The following NLRP4 variants were observed in gnomAD, a reference collection of about 807,000 sequenced individuals.
NLRP4 encodes the protein NACHT, LRR and PYD domains-containing protein 4.
A neutral mutation model predicts 84.7 loss-of-function variants in NLRP4; 44 were observed. The ratio of observed to expected loss-of-function variants is 0.52; its 90% CI spans 0.41 to 0.67. The LOEUF (loss-of-function observed/expected upper bound fraction) is 0.67, where lower values mean the gene tolerates loss of function less well. Among genes scored for constraint, NLRP4 ranks in the 30% least tolerant of loss-of-function variants. The probability of loss-of-function intolerance (pLI) is 0.00; values close to 1 mark genes in which losing one functional copy is unlikely to be tolerated. For synonymous variants in NLRP4, 544 were observed against 476.4 expected (o/e 1.14, Z -1.85); for missense variants, 1,260 against 1,219.4 (o/e 1.03, Z -0.50).
At chr19:55,880,212 T>C (rs1007898403) in intron 9 of NLRP4, among the ~76,000 whole-genome samples, 2 of 152,344 alleles carry the variant, frequency 1.3e-5, no homozygotes, top group Middle Eastern at 3.4e-3. Context: ...GTTTGTTTTC[T>C]TGAAGTCCAT....
At chr19:55,840,487 A>C (rs1451458401) in intron 1 of NLRP4, among the ~76,000 whole-genome samples, 1 of 151,916 alleles carries the variant, frequency 6.6e-6, no homozygotes, top group East Asian at 1.9e-4. Context: ...GGGTTCAAGC[A>C]ATTCTCCTGC....
At position 55,852,059 on chromosome 19, in the gene NLRP4, T is replaced by C; in HGVS notation, c.-22T>C. On this transcript the variant is annotated 5_prime_UTR_variant, in exon 2 of 10. Transcript: ENST00000301295. ...TCCTGGTCACTGTCTCTTTGAGGAT[T>C]GGTATCTCTGCTCCAGAAAAGATGG... 2 of 1,570,216 alleles carry C rather than the reference T, an allele frequency of 1.3e-6. No homozygotes were observed. Among genetic ancestry groups the C allele is most frequent in the Non-Finnish European group, 1.7e-6 (2 of 1,161,032 alleles).
chr19:55,855,924 C>T (rs557709572), intron 2 of NLRP4, among the ~76,000 whole-genome samples: 2 of 152,322 alleles, frequency 1.3e-5, no homozygotes, highest in South Asian at 4.1e-4. Context: ...TTTAGAAATA[C>T]ACCACGACAG....
At position 55,858,327 on chromosome 19, in the gene NLRP4, T is replaced by C; in HGVS notation, c.934T>C (p.Cys312Arg). The C allele has an allele frequency of 6.2e-7, 1 of 1,614,208 alleles. No individual in the cohort carries two copies. Among genetic ancestry groups the C allele is most frequent in the Non-Finnish European group, 8.5e-7 (1 of 1,180,032 alleles). ...CGAGAGTGATAGGTTAGTGTATTTC[T>C]GCTGTTTCTTCAAAGACCCGAAAAG... Reference protein sequence around the residue: ...FNESDRLVYFCCFFKDPKRAM... With the variant: ...FNESDRLVYFRCFFKDPKRAM... The change falls in exon 3 of 10, where the codon TGC becomes CGC. Residue 312 changes from cysteine (C) to arginine (R), a missense_variant. Physicochemically the swap from Cys to Arg is radical, Grantham distance 180. This residue lies in a region of NLRP4 where 712 missense variants were observed against 669.2 expected (regional missense o/e 1.06). Transcript: ENST00000301295. The surrounding 1 kb of genome is among the most constrained non-coding windows in gnomAD (Gnocchi z 4.2).
intron 3 of NLRP4, among the ~76,000 whole-genome samples, chr19:55,859,690 G>A (rs975357068): frequency 3.9e-5 from 6 of 151,962 alleles, no homozygotes; most frequent in African/African-American, 1.5e-4. Flanking sequence ...CACTGTGGGA[G>A]GCTGAGGCAG....
At position 55,857,864 on chromosome 19, in the gene NLRP4, A is replaced by G. The variant is rs1275062062; in HGVS notation, c.471A>G (p.Gln157=). The G allele has an allele frequency of 3.7e-6, 6 of 1,613,938 alleles. No homozygotes were observed. In the East Asian group the frequency reaches 6.7e-5, roughly 18 times the overall value. The change falls in exon 3 of 10, where the codon CAA becomes CAG. Residue 157 remains glutamine (Q), a synonymous_variant. Transcript: ENST00000301295. The stretch of plus-strand genomic sequence containing the variant: ...GTACAGTGATCATTCAAGGACCACA[A>G]GGAATTGGAAAAACGACACTCCTGA... ...QPRTVIIQGP[Q]GIGKTTLLMK...
At position 55,871,046 on chromosome 19, in the gene NLRP4, A is replaced by G. The variant is rs780040101; in HGVS notation, c.2525+49A>G. On this transcript the variant is annotated intron_variant, in intron 7 of 9. Transcript: ENST00000301295. ...AAGACCAAGCCGTCTTTTCAAGGGCATGCACTGCTGAGAATGGGGCATCTG... is the reference window on the plus strand; with the variant it reads ...AAGACCAAGCCGTCTTTTCAAGGGCGTGCACTGCTGAGAATGGGGCATCTG... The G allele has an allele frequency of 3.9e-6, 6 of 1,541,506 alleles. No homozygotes were observed. In the Middle Eastern group the frequency reaches 7.4e-4, roughly 190 times the overall value.
At chr19:55,848,378 T>TATACTATACTATACGATACTATAGTATC (rs1568657050) in intron 1 of NLRP4, among the ~76,000 whole-genome samples, 2 of 151,566 alleles carry the variant, frequency 1.3e-5, no homozygotes, top group African/African-American at 4.9e-5. Flanking sequence ...ACTATAGTAT[T>TATACTATACTATACGATACTATAGTATC]GTATACTATA....
chr19:55,852,284 T>G lies in NLRP4; in HGVS notation c.204T>G (p.Ala68=), dbSNP rs756213288. The G allele has an allele frequency of 6.2e-7, 1 of 1,605,872 alleles. No homozygotes were observed. The highest frequency in any genetic ancestry group is 1.1e-5 in the South Asian group (1 of 89,082). ...TCAAGCACTATGAAGAACAACAAGC[T>G]TGGAACATAACCTTAAGAATCTTTC... ...LLIKHYEEQQ[A]WNITLRIFQK... Residue 68 remains alanine (A), a synonymous_variant, in exon 2 of 10, where the codon GCT becomes GCG. Coordinates refer to ENST00000301295, the MANE Select transcript of NLRP4 (RefSeq NM_134444.5).
At chr19:55,853,740 C>CCTTTTT (rs1235992067) in intron 2 of NLRP4, among the ~76,000 whole-genome samples, 1 of 136,874 alleles carries the variant, frequency 7.3e-6, no homozygotes, top group Non-Finnish European at 1.5e-5. Context: ...TTTCTCTTTT[C>CCTTTTT]CTTTTTCTTT....
Position 55,850,769 on chromosome 19 carries a change from CCGAGGCTGCGGTGTAA to C in NLRP4, c.-65-1246_-65-1231del, listed in dbSNP as rs1189033079. 3.6e-4 allele frequency among the ~76,000 whole-genome samples: 47 copies of C among 131,278 alleles called. 2 individuals are homozygous for C. The highest frequency in any genetic ancestry group is 5.2e-4 in the Admixed American group (7 of 13,438). The allele number at this position is 131,278 out of a possible 152,430, so 86.1% of individuals were successfully genotyped here. A position where few individuals can be genotyped will look rare whatever the true frequency, so the allele number is the denominator to read the frequency against. On this transcript the variant is annotated intron_variant, in intron 1 of 9. Transcript: ENST00000301295. ...ACTTCCCGAGGCTGCGGTGTAATTT[CCGAGGCTGCGGTGTAA>C]TTCCCGAGGCTGCGGTGTAATTTCC...
intron 1 of NLRP4, among the ~76,000 whole-genome samples, chr19:55,839,677 A>G (rs76526695): frequency 0.018 from 2,751 of 152,264 alleles, 92 homozygotes; most frequent in African/African-American, 0.063. Context: ...CTTCTTATTC[A>G]TCAGACTTGT....
chr19:55,861,439 G>T lies in NLRP4; in HGVS notation c.1910G>T (p.Ser637Ile). 6.2e-7 allele frequency: 1 copy of T among 1,614,216 alleles called. No individual in the cohort carries two copies. The highest frequency in any genetic ancestry group is 1.1e-5 in the South Asian group (1 of 91,090). Reference sequence around the variant, plus strand: ...CACATCTGCTCTGTGCTCACCACCAGCGGGCACCTCAGAGAGCTCCAGGTG... The same window carrying T: ...CACATCTGCTCTGTGCTCACCACCATCGGGCACCTCAGAGAGCTCCAGGTG... ...WHHICSVLTT[S>I]GHLRELQVQD... Residue 637 changes from serine (S) to isoleucine (I), a missense_variant, in exon 4 of 10, where the codon AGC (serine) becomes ATC (isoleucine). By Grantham distance (142) the Ser-to-Ile change is moderately radical. This residue lies in a region of NLRP4 where 544 missense variants were observed against 531.7 expected (regional missense o/e 1.02). Coordinates refer to ENST00000301295, the MANE Select transcript of NLRP4 (RefSeq NM_134444.5).
At chr19:55,881,253 T>G (rs112455190) in intron 9 of NLRP4, among the ~76,000 whole-genome samples, 1 of 151,732 alleles carries the variant, frequency 6.6e-6, no homozygotes, top group Non-Finnish European at 1.5e-5. Flanking sequence ...ACCACAGAAA[T>G]TGGCAAAGCT....
In NLRP4 at chr19:55,879,319, G is replaced by T. The variant is rs185029103; in HGVS notation, c.2867+355G>T. 5.3e-5 allele frequency among the ~76,000 whole-genome samples: 8 copies of T among 152,306 alleles called. No individual in the cohort carries two copies. The East Asian group carries it at 1.5e-3, about 29-fold the overall frequency. On this transcript the variant is annotated intron_variant, in intron 9 of 9. Transcript: ENST00000301295. ...TTAATAGGCAAAAGAAAGAAGAGCT[G>T]TCTGCTACAGAGAGGGGTCTCGGAA...
At chr19:55,859,270 T>A (rs1478196980) in intron 3 of NLRP4, 21 bp downstream of exon 3, 1 of 1,560,390 alleles carries the variant, frequency 6.4e-7, no homozygotes, top group Non-Finnish European at 8.7e-7. Context: ...CCTATGACTT[T>A]TTCTCTCTTC....
chr19:55,877,637 G>A (rs543912432), intron 8 of NLRP4, among the ~76,000 whole-genome samples: 1 of 152,146 alleles, frequency 6.6e-6, no homozygotes, highest in Non-Finnish European at 1.5e-5. Context: ...GAGGCTGAAA[G>A]TCTGAGATCA....
At chr19:55,842,217 A>G (rs1983640062) in intron 1 of NLRP4, among the ~76,000 whole-genome samples, 1 of 152,126 alleles carries the variant, frequency 6.6e-6, no homozygotes, top group Admixed American at 6.5e-5. Context: ...AAGAGCAAGT[A>G]TTTGGTTTTT....
intron 1 of NLRP4, among the ~76,000 whole-genome samples, chr19:55,850,016 T>C (rs1380176949): frequency 6.9e-6 from 1 of 144,836 alleles, no homozygotes. Context: ...TTTCCGAGAC[T>C]GCGGTGTGAT....
Sources: gnomAD v4.1 joint callset for allele counts (sites outside exome capture counted in the v4.1 genomes callset) on GRCh38, gnomAD v4.1.1 for gene constraint, gnomAD v4.1.1 regional missense constraint, Gnocchi (gnomAD v3.1) non-coding constraint, MANE v1.5 for transcripts, NCBI Gene and HGNC (gene_info 2026-07-23, HGNC 2026-07-21) for gene names.